Variants in DRGX observed in about 807,000 individuals in gnomAD.
DRGX encodes dorsal root ganglia homeobox protein.
In DRGX, 21 loss-of-function variants were observed where a neutral mutation model predicts 28.6. That is an observed-to-expected ratio of 0.73 (90% confidence interval 0.52 to 1.06). The LOEUF (loss-of-function observed/expected upper bound fraction) is 1.06, where lower values mean the gene tolerates loss of function less well. DRGX is among the 50% of genes least tolerant of loss of function. The pLI, the probability that DRGX is intolerant of heterozygous loss-of-function variation, is 0.00. For missense variants in DRGX, 354 were observed against 343.9 expected, an observed-to-expected ratio of 1.03 and a Z score of -0.23; for synonymous variants, 136 against 139.1, an observed-to-expected ratio of 0.98 and a Z score of 0.16.
In DRGX at chr10:49,395,456, C is replaced by T. The variant is rs560944815; in HGVS notation, c.-16G>A. The stretch of plus-strand genomic sequence containing the variant: ...AATAAAACATCGCCGGCTGTCAGAT[C>T]GGCTGGACGGCCGAGACCTGGGAGG... On this transcript the variant is annotated 5_prime_UTR_variant, in exon 2 of 7. Coordinates refer to ENST00000374139, the MANE Select transcript of DRGX (RefSeq NM_001276451.2). 5 of 1,549,860 alleles carry T rather than the reference C, an allele frequency of 3.2e-6. No homozygotes were observed. In the Admixed American group the frequency reaches 5.9e-5, roughly 18 times the overall value.
At chr10:49,380,078 C>T (rs1590365535) in intron 6 of DRGX, among the ~76,000 whole-genome samples, 1 of 152,358 alleles carries the variant, frequency 6.6e-6, no homozygotes, top group East Asian at 1.9e-4. Flanking sequence ...CCATCATGTC[C>T]ACCTTGCCCA....
chr10:49,369,594 G>A (rs1406363338), intron 6 of DRGX, among the ~76,000 whole-genome samples: 1 of 152,130 alleles, frequency 6.6e-6, no homozygotes, highest in African/African-American at 2.4e-5. Context: ...CCTGGGGCCG[G>A]GGAGGGGAAG....
At position 49,366,168 on chromosome 10, in the gene DRGX, T is replaced by C; in HGVS notation, c.740A>G (p.Gln247Arg). ...TTCCTTGGTGGGAGAGGTCTTTTCCTGGCTGCCATCTGGGGGCGCCGGCTT... is the reference window on the plus strand; with the variant it reads ...TTCCTTGGTGGGAGAGGTCTTTTCCCGGCTGCCATCTGGGGGCGCCGGCTT... Reference protein sequence around the residue: ...VAKPAPPDGSQEKTSPTKEQS... With the variant: ...VAKPAPPDGSREKTSPTKEQS... The change falls in exon 7 of 7, where the codon CAG (glutamine) becomes CGG (arginine). Residue 247 changes from glutamine (Q) to arginine (R), a missense_variant. By Grantham distance (43) the Gln-to-Arg change is conservative. Transcript: ENST00000374139. 2 of 1,612,196 alleles carry C rather than the reference T, an allele frequency of 1.2e-6. No individual in the cohort carries two copies. The highest frequency in any genetic ancestry group is 1.7e-6 in the Non-Finnish European group (2 of 1,178,850).
chr10:49,370,991 C>T (rs1849653189), intron 6 of DRGX, among the ~76,000 whole-genome samples: 1 of 152,188 alleles, frequency 6.6e-6, no homozygotes, highest in Admixed American at 6.5e-5. Flanking sequence ...TCCACAGACA[C>T]CTCTGTCATC....
intron 2 of DRGX, among the ~76,000 whole-genome samples, chr10:49,393,141 C>A (rs1564710509): frequency 6.6e-6 from 1 of 151,588 alleles, no homozygotes; most frequent in East Asian, 1.9e-4. Context: ...ATGAAAACAA[C>A]CAAAATGCCC....
chr10:49,386,119 G>A (rs1434431176), intron 6 of DRGX, among the ~76,000 whole-genome samples: 1 of 152,116 alleles, frequency 6.6e-6, no homozygotes, highest in African/African-American at 2.4e-5. Context: ...GGAGCTGGGA[G>A]CAGGGATGAT....
intron 2 of DRGX, 51 bp from the exon 3 acceptor site, chr10:49,391,312 G>A: frequency 6.6e-7 from 1 of 1,506,648 alleles, no homozygotes; most frequent in Non-Finnish European, 9.2e-7. Flanking sequence ...CCAGTCCTCA[G>A]ACCGCCCCCA....
chr10:49,373,084 A>G (rs1200600518), intron 6 of DRGX, among the ~76,000 whole-genome samples: 1 of 152,208 alleles, frequency 6.6e-6, no homozygotes, highest in South Asian at 2.1e-4. Flanking sequence ...TTTTTTAAAG[A>G]TAAAAAATTT....
intron 6 of DRGX, among the ~76,000 whole-genome samples, chr10:49,371,460 C>T (rs1322540747): frequency 1.3e-5 from 2 of 152,048 alleles, no homozygotes; most frequent in East Asian, 3.9e-4. Context: ...TTGAGACCAG[C>T]CTTGGCAACA....
At chr10:49,380,470 T>C (rs1222272137) in intron 6 of DRGX, among the ~76,000 whole-genome samples, 2 of 152,234 alleles carry the variant, frequency 1.3e-5, no homozygotes, top group Non-Finnish European at 2.9e-5. Flanking sequence ...GAAAATTCTT[T>C]GTATTGGGAC....
At chr10:49,381,503 C>A (rs149468934) in intron 6 of DRGX, among the ~76,000 whole-genome samples, 1 of 152,376 alleles carries the variant, frequency 6.6e-6, no homozygotes, top group Non-Finnish European at 1.5e-5. Context: ...GTGCTAGCAT[C>A]CCCAGCTCTC....
At chr10:49,379,437 A>G (rs1183147838) in intron 6 of DRGX, among the ~76,000 whole-genome samples, 2 of 152,240 alleles carry the variant, frequency 1.3e-5, no homozygotes, top group Non-Finnish European at 2.9e-5. Context: ...ATTTTTTAAA[A>G]CATCACAATT....
chr10:49,380,767 G>A (rs1256985403), intron 6 of DRGX, among the ~76,000 whole-genome samples: 1 of 152,232 alleles, frequency 6.6e-6, no homozygotes, highest in Non-Finnish European at 1.5e-5. Flanking sequence ...AGAAATGGGA[G>A]AGGTTTTGGA....
rs1359595711 is a variant in DRGX at position 49,391,241 on chromosome 10, G to T, written c.55C>A (p.His19Asn). The T allele has an allele frequency of 1.9e-6, 3 of 1,611,106 alleles. No homozygotes were observed. In the East Asian group the frequency reaches 6.7e-5, roughly 36 times the overall value. ...CCGTCATCAAAATCCCCCGAAGAGT[G>T]ATTGCCAAAGGTTGCAGTGCCTACC... ...QLEGTATFGN[H>N]SSGDFDDGFL... The change falls in exon 3 of 7, where the codon CAC (histidine) becomes AAC (asparagine). Residue 19 changes from histidine (H) to asparagine (N), a missense_variant. Physicochemically the swap from His to Asn is moderately conservative, Grantham distance 68. Coordinates refer to ENST00000374139, the MANE Select transcript of DRGX (RefSeq NM_001276451.2).
At chr10:49,391,657 T>C (rs1849906792) in intron 2 of DRGX, among the ~76,000 whole-genome samples, 1 of 152,158 alleles carries the variant, frequency 6.6e-6, no homozygotes, top group African/African-American at 2.4e-5. Context: ...GAAGCCTGTG[T>C]GTCTCCCTTT....
rs754812158 is a variant in DRGX, at chr10:49,366,096, G to A, written c.*20C>T. 3.5e-5 allele frequency: 53 copies of A among 1,525,406 alleles called. No homozygotes were observed. Among genetic ancestry groups the A allele is most frequent in the Admixed American group, 1.9e-4 (10 of 51,352 alleles). The allele number at this position is 1,525,406 out of a possible 1,614,324, so 94.5% of individuals were successfully genotyped here. A position where few individuals can be genotyped will look rare whatever the true frequency, so the allele number is the denominator to read the frequency against. On this transcript the variant is annotated 3_prime_UTR_variant, in exon 7 of 7. Coordinates refer to ENST00000374139, the MANE Select transcript of DRGX (RefSeq NM_001276451.2). ...AAGGAGGGGCGGGGGAGGGCAGGCC[G>A]GGCGGGGCACTGTGGACCCTCATAC...
chr10:49,365,858 C>A lies in DRGX; in HGVS notation c.*258G>T. 2.7e-6 allele frequency: 1 copy of A among 363,766 alleles called. No homozygotes were observed. The highest frequency in any genetic ancestry group is 4.9e-6 in the Non-Finnish European group (1 of 206,100). 22.5% of individuals were successfully genotyped at this position (363,766 alleles called of 1,614,324 possible). On this transcript the variant is annotated 3_prime_UTR_variant, in exon 7 of 7. Coordinates refer to ENST00000374139, the MANE Select transcript of DRGX (RefSeq NM_001276451.2). ...ATGGAAATCCCAGGGAGGCTCCTCA[C>A]AGAGAGGGCTCTGCTGCCACCAAGT...
At chr10:49,381,687 G>T (rs895893606) in intron 6 of DRGX, among the ~76,000 whole-genome samples, 1 of 152,196 alleles carries the variant, frequency 6.6e-6, no homozygotes, top group African/African-American at 2.4e-5. Flanking sequence ...CTTGCCCTGG[G>T]GCATTGGGAA....
In DRGX at chr10:49,390,127, G is replaced by T. The variant is rs1181415111; in HGVS notation, c.234+6C>A. The T allele has an allele frequency of 5.0e-6, 8 of 1,602,620 alleles. No homozygotes were observed. Among genetic ancestry groups the T allele is most frequent in the Admixed American group, 1.7e-5 (1 of 58,476 alleles). On this transcript the variant is annotated splice_donor_region_variant and intron_variant, in intron 4 of 6. Transcript: ENST00000374139. The stretch of plus-strand genomic sequence containing the variant: ...AGAGAGTTAAATAATTAAAAAGAAG[G>T]TTTACCTGCACTCTGGCTTCTGTGA...
Sources: gnomAD v4.1 joint callset for allele counts (sites outside exome capture counted in the v4.1 genomes callset) on GRCh38, gnomAD v4.1.1 for gene constraint, MANE v1.5 for transcripts, NCBI Gene and HGNC (gene_info 2026-07-23, HGNC 2026-07-21) for gene names.